The following MICAL3 variants were observed in gnomAD, a reference collection of about 807,000 sequenced individuals.
MICAL3 encodes the protein [F-actin]-monooxygenase MICAL3.
A neutral mutation model predicts 207.4 loss-of-function variants in MICAL3; 62 were observed. That is an observed-to-expected ratio of 0.30 (90% confidence interval 0.24 to 0.37). The LOEUF is 0.37. Ranked by LOEUF, MICAL3 falls within the 10% of genes least tolerant of loss-of-function variation. MICAL3 has a pLI of 1.00. For missense variants in MICAL3, 2,368 were observed against 2,635.6 expected, an observed-to-expected ratio of 0.90 and a Z score of 2.22; for synonymous variants, 1,077 against 1,069.3, an observed-to-expected ratio of 1.01 and a Z score of -0.14.
rs139569177 is a variant in MICAL3, at chr22:17,899,243, A to T, written c.948+205T>A. 506 of 649,996 alleles carry T rather than the reference A, an allele frequency of 7.8e-4. No individual in the cohort carries two copies. In the African/African-American group the frequency reaches 8.3e-3, roughly 11 times the overall value. 40.3% of individuals were successfully genotyped at this position (649,996 alleles called of 1,614,324 possible). On this transcript the variant is annotated intron_variant, in intron 7 of 31. Coordinates refer to ENST00000441493, the MANE Select transcript of MICAL3 (RefSeq NM_015241.3). ...TAGGTACGTGAGGGTTCATTACACT[A>T]TTCTCCCCCCGTTTTTATTTACATT...
At chr22:17,824,366 G>A (rs1309847861) in intron 22 of MICAL3, among the ~76,000 whole-genome samples, 1 of 152,242 alleles carries the variant, frequency 6.6e-6, no homozygotes, top group Non-Finnish European at 1.5e-5. Flanking sequence ...GCCCGGTTAG[G>A]TGGATTTCTT....
chr22:17,935,972 TTGG>T (rs1933500608), intron 1 of MICAL3, among the ~76,000 whole-genome samples: 1 of 152,172 alleles, frequency 6.6e-6, no homozygotes, highest in Non-Finnish European at 1.5e-5. Context: ...TTTTACACTG[TTGG>T]TGGGAGTGTA....
intron 6 of MICAL3, among the ~76,000 whole-genome samples, chr22:17,899,905 G>A (rs975570435): frequency 2.0e-5 from 3 of 152,196 alleles, no homozygotes; most frequent in African/African-American, 7.2e-5. Flanking sequence ...AAGGAAGCTG[G>A]AGGAATCTCC....
Position 17,906,690 on chromosome 22 carries a change from T to A in MICAL3, c.123A>T (p.Leu41=). 6.2e-7 allele frequency: 1 copy of A among 1,614,016 alleles called. No individual in the cohort carries two copies. Among genetic ancestry groups the A allele is most frequent in the African/African-American group, 1.3e-5 (1 of 75,044 alleles). Residue 41 remains leucine, a synonymous_variant, in exon 2 of 32, where the codon CTA becomes CTT. Coordinates refer to ENST00000441493, the MANE Select transcript of MICAL3 (RefSeq NM_015241.3). Reference sequence around the variant, plus strand: ...AGAAGGAGCGGTAGTCCTTTGGCTTTAGTTCCAGGTGGTCACAGAGCTCCT... The same window carrying A: ...AGAAGGAGCGGTAGTCCTTTGGCTTAAGTTCCAGGTGGTCACAGAGCTCCT... ...AFQELCDHLE[L]KPKDYRSFYH...
chr22:17,823,029 A>T lies in MICAL3; in HGVS notation c.3225T>A (p.Asp1075Glu), dbSNP rs1051844432. ...CTATCTCGGCTGGTTCTGAGTCCAC[A>T]TCTTCCTCTAGGTCATTCTCATCCA... The part of the protein sequence containing the change: ...APLDENDLEE[D>E]VDSEPAEIEG... The change falls in exon 23 of 32, where the codon GAT (aspartate) becomes GAA (glutamate). Residue 1075 changes from aspartate to glutamate, a missense_variant. Asp to Glu is a conservative substitution (Grantham distance 45, BLOSUM62 2). Around this residue, in one of 4 missense-constraint regions of MICAL3, gnomAD observed 1,770 missense variants for 1,863.2 expected, o/e 0.95. Coordinates refer to ENST00000441493, the MANE Select transcript of MICAL3 (RefSeq NM_015241.3). 26 of 1,613,408 alleles carry T rather than the reference A, an allele frequency of 1.6e-5. No individual in the cohort carries two copies. Among genetic ancestry groups the T allele is most frequent in the Non-Finnish European group, 1.9e-5 (23 of 1,179,574 alleles).
Position 17,893,502 on chromosome 22 carries a change from G to A in MICAL3, c.1546+306C>T, listed in dbSNP as rs1053252936. ...TCCCCTCTGCCCCGCGTCTGTACCT[G>A]GTTTCTCTCTGTGCTCTCGTAACAC... On this transcript the variant is annotated intron_variant, in intron 11 of 31. Transcript: ENST00000441493. Among the ~76,000 whole-genome samples the A allele has an allele frequency of 7.0e-4, 107 of 152,256 alleles. 1 individual carries two copies. Among genetic ancestry groups the A allele is most frequent in the African/African-American group, 2.5e-3 (104 of 41,542 alleles).
chr22:17,923,283 T>C (rs1455814255), intron 1 of MICAL3, among the ~76,000 whole-genome samples: 1 of 152,182 alleles, frequency 6.6e-6, no homozygotes, highest in Non-Finnish European at 1.5e-5. Flanking sequence ...CGGAGCATAT[T>C]GAACTATAGC....
At chr22:18,001,541 G>A (rs1293245273) in intron 1 of MICAL3, 1 of 152,332 alleles carries the variant, frequency 6.6e-6, no homozygotes, top group Non-Finnish European at 1.5e-5. Flanking sequence ...GAAGGGCGGG[G>A]GTTGTGGCCC....
intron 1 of MICAL3, among the ~76,000 whole-genome samples, chr22:17,961,702 T>A (rs926285969): frequency 6.6e-6 from 1 of 152,052 alleles, no homozygotes; most frequent in East Asian, 1.9e-4. Flanking sequence ...AGACTTGGGG[T>A]GTGGGTGGGA....
intron 1 of MICAL3, among the ~76,000 whole-genome samples, chr22:18,000,140 C>T (rs569969974): frequency 4.9e-4 from 75 of 151,948 alleles, no homozygotes; most frequent in African/African-American, 1.7e-3. Context: ...TGGAGTACAA[C>T]GACTGTCTAT....
intron 1 of MICAL3, among the ~76,000 whole-genome samples, chr22:17,945,720 G>T (rs2146346428): frequency 6.6e-6 from 1 of 152,174 alleles, no homozygotes; most frequent in East Asian, 1.9e-4. Context: ...CACCCAGAAT[G>T]CCTTCCAGTC....
intron 1 of MICAL3, among the ~76,000 whole-genome samples, chr22:17,934,376 G>T (rs981736243): frequency 2.3e-4 from 35 of 151,992 alleles, no homozygotes; most frequent in Admixed American, 1.6e-3. Flanking sequence ...ATCTCAATAG[G>T]TGCAGAAAAA....
chr22:17,790,469 T>A lies in MICAL3; in HGVS notation c.*263A>T. ...GGAGCGCGCGGGGTGGTCCCCTGCGTCATGCCATACACGCCGTGCTGCTCC... is the reference window on the plus strand; with the variant it reads ...GGAGCGCGCGGGGTGGTCCCCTGCGACATGCCATACACGCCGTGCTGCTCC... On this transcript the variant is annotated 3_prime_UTR_variant, in exon 32 of 32. Coordinates refer to ENST00000441493, the MANE Select transcript of MICAL3 (RefSeq NM_015241.3). The A allele has an allele frequency of 3.8e-6, 2 of 520,804 alleles. No individual in the cohort carries two copies. Among genetic ancestry groups the A allele is most frequent in the Non-Finnish European group, 6.9e-6 (2 of 291,280 alleles). The allele number at this position is 520,804 out of a possible 1,614,324, so 32.3% of individuals were successfully genotyped here. A position where few individuals can be genotyped will look rare whatever the true frequency, so the allele number is the denominator to read the frequency against.
At chr22:17,807,750 G>GTCAGT (rs1205098578) in intron 29 of MICAL3, among the ~76,000 whole-genome samples, 1 of 152,172 alleles carries the variant, frequency 6.6e-6, no homozygotes, top group African/African-American at 2.4e-5. Flanking sequence ...GAGCCCATGG[G>GTCAGT]TCAGTCTTTG....
At chr22:17,982,695 C>T (rs1935970679) in intron 1 of MICAL3, among the ~76,000 whole-genome samples, 1 of 149,356 alleles carries the variant, frequency 6.7e-6, no homozygotes, top group Admixed American at 6.7e-5. Context: ...CATAACATAA[C>T]ATAACATAAC....
chr22:17,841,784 G>C lies in MICAL3; in HGVS notation c.2801+38C>G, dbSNP rs113403398. The C allele has an allele frequency of 6.5e-7, 1 of 1,537,530 alleles. No individual in the cohort carries two copies. The highest frequency in any genetic ancestry group is 2.0e-5 in the Admixed American group (1 of 50,880). Reference sequence around the variant, plus strand: ...CAGAGGTGAGGAGGCTCTTAGGGCCGTGTGGCGGGTGGGCGCCCTGCAGCC... The same window carrying C: ...CAGAGGTGAGGAGGCTCTTAGGGCCCTGTGGCGGGTGGGCGCCCTGCAGCC... On this transcript the variant is annotated intron_variant, in intron 20 of 31. Coordinates refer to ENST00000441493, the MANE Select transcript of MICAL3 (RefSeq NM_015241.3). The surrounding 1 kb of genome is among the most constrained non-coding windows in gnomAD (Gnocchi z 4.2).
intron 20 of MICAL3, chr22:17,840,583 A>G (rs945914228): frequency 1.3e-5 from 2 of 152,156 alleles, no homozygotes; most frequent in African/African-American, 4.8e-5. Flanking sequence ...ACTGCCTCTC[A>G]CAATTTATAA....
At chr22:17,840,620 CCA>C (rs904248833) in intron 20 of MICAL3, 3 of 152,316 alleles carry the variant, frequency 2.0e-5, no homozygotes, top group East Asian at 1.9e-4. Flanking sequence ...TGGTGCTGAC[CCA>C]CACTCAGCCC....
intron 1 of MICAL3, among the ~76,000 whole-genome samples, chr22:17,923,545 C>T (rs1005296555): frequency 1.3e-5 from 2 of 152,234 alleles, no homozygotes; most frequent in African/African-American, 2.4e-5. Flanking sequence ...GCCAAAAGGC[C>T]CAGGCCACCT....
Sources: allele counts gnomAD v4.1 joint callset (sites outside exome capture counted in the v4.1 genomes callset), GRCh38; gene constraint gnomAD v4.1.1; regional missense constraint gnomAD v4.1.1; non-coding constraint Gnocchi (gnomAD v3.1); transcripts MANE v1.5; gene names NCBI Gene and HGNC (gene_info 2026-07-23, HGNC 2026-07-21).